ZNF333: variants seen among roughly 807,000 people sequenced by gnomAD.
ZNF333 encodes zinc finger protein 333.
A neutral mutation model predicts 76.1 loss-of-function variants in ZNF333; 61 were observed. That is an observed-to-expected ratio of 0.80 (90% CI 0.65 to 0.99). ZNF333 has a LOEUF of 0.99. Among genes scored for constraint, ZNF333 ranks in the 50% least tolerant of loss-of-function variants. The pLI, the probability that ZNF333 is intolerant of heterozygous loss-of-function variation, is 0.00. For synonymous variants in ZNF333, 284 were observed against 305.0 expected, an observed-to-expected ratio of 0.93 and a Z score of 0.72; for missense variants, 717 against 822.4, an observed-to-expected ratio of 0.87 and a Z score of 1.57.
rs746579576 is a variant in ZNF333, at chr19:14,717,138, G to A, written c.823+49G>A. 7 of 1,516,688 alleles carry A rather than the reference G, an allele frequency of 4.6e-6. No homozygotes were observed. The African/African-American group carries it at 9.6e-5, about 21-fold the overall frequency. 94.0% of individuals were successfully genotyped at this position (1,516,688 alleles called of 1,614,324 possible). A position where few individuals can be genotyped will look rare whatever the true frequency, so the allele number is the denominator to read the frequency against. ...GCATCAGCTCTGGTCAGTAAGGGGA[G>A]TGTCCAGTTTGGAAACTGTCTTATC... On this transcript the variant is annotated intron_variant, in intron 10 of 11. Coordinates refer to ENST00000292530, the MANE Select transcript of ZNF333 (RefSeq NM_032433.4).
intron 7 of ZNF333, chr19:14,708,497 A>G (rs2042183625): frequency 6.3e-6 from 2 of 319,924 alleles, no homozygotes; most frequent in East Asian, 8.3e-5. Context: ...ATCTCAGGGG[A>G]CGGGAGAGTT....
chr19:14,695,332 C>T (rs1177619700), intron 3 of ZNF333, among the ~76,000 whole-genome samples, 199 bp downstream of exon 3: 1 of 152,178 alleles, frequency 6.6e-6, no homozygotes, highest in Non-Finnish European at 1.5e-5. Context: ...TGGCCCCAGG[C>T]TTCTGAGGTG....
chr19:14,700,736 C>T (rs1373262279), intron 5 of ZNF333, among the ~76,000 whole-genome samples: 1 of 152,176 alleles, frequency 6.6e-6, no homozygotes, highest in Non-Finnish European at 1.5e-5. Flanking sequence ...AGGCACAGAG[C>T]TCAGCCTCAC....
At position 14,719,853 on chromosome 19, in the gene ZNF333, G is replaced by A. The variant is rs2042550954; in HGVS notation, c.*528G>A. The A allele has an allele frequency of 1.0e-6, 1 of 986,400 alleles. No homozygotes were observed. Among genetic ancestry groups the A allele is most frequent in the South Asian group, 4.7e-5 (1 of 21,324 alleles). The allele number at this position is 986,400 out of a possible 1,614,324, so 61.1% of individuals were successfully genotyped here. ...CCCTTCCTCCTTAGAAAAGAACCTGGGTTTTCTGTTCAGATTGGCAGTGTG... is the reference window on the plus strand; with the variant it reads ...CCCTTCCTCCTTAGAAAAGAACCTGAGTTTTCTGTTCAGATTGGCAGTGTG... On this transcript the variant is annotated 3_prime_UTR_variant, in exon 12 of 12. Transcript: ENST00000292530.
At chr19:14,710,708 G>A (rs1273488684) in intron 7 of ZNF333, among the ~76,000 whole-genome samples, 1 of 152,200 alleles carries the variant, frequency 6.6e-6, no homozygotes, top group African/African-American at 2.4e-5. Flanking sequence ...AACCCGGAAG[G>A]CGGAGGTTGC....
chr19:14,707,626 A>G (rs1357061939), intron 7 of ZNF333, among the ~76,000 whole-genome samples: 1 of 134,628 alleles, frequency 7.4e-6, no homozygotes, highest in Non-Finnish European at 1.5e-5. Context: ...ATCCCGGCTC[A>G]CTGCAAGCTC....
At chr19:14,710,127 A>T (rs991495175) in intron 7 of ZNF333, among the ~76,000 whole-genome samples, 17 of 152,188 alleles carry the variant, frequency 1.1e-4, no homozygotes, top group Non-Finnish European at 2.4e-4. Context: ...ACTGAAGAAG[A>T]AGCAGCTTCC....
chr19:14,696,446 T>A (rs1025140399), intron 4 of ZNF333, among the ~76,000 whole-genome samples: 3 of 152,152 alleles, frequency 2.0e-5, no homozygotes, highest in African/African-American at 7.2e-5. Context: ...ATAAGTAGCC[T>A]TTGGTATCCG....
rs1271863246 is a variant in ZNF333, at chr19:14,721,625, T to C, written c.*2300T>C. 2 of 152,240 alleles carry C rather than the reference T, an allele frequency of 1.3e-5. No individual in the cohort carries two copies. The highest frequency in any genetic ancestry group is 6.5e-5 in the Admixed American group (1 of 15,286). 9.4% of individuals were successfully genotyped at this position (152,240 alleles called of 1,614,324 possible). On this transcript the variant is annotated 3_prime_UTR_variant, in exon 12 of 12. Transcript: ENST00000292530. ...TTTATGCTTTTTAATTGCTGTGTAA[T>C]AGTCCATAGTCTGAATATACCACAA...
At chr19:14,728,542 A>C (rs1315066532) in intron 11 of ZNF333, among the ~76,000 whole-genome samples, 2 of 152,188 alleles carry the variant, frequency 1.3e-5, no homozygotes, top group African/African-American at 2.4e-5. Context: ...CATCACTTAT[A>C]AATGTATTCA....
chr19:14,729,217 G>A (rs1174718412), intron 11 of ZNF333, among the ~76,000 whole-genome samples: 3 of 152,098 alleles, frequency 2.0e-5, no homozygotes, highest in African/African-American at 2.4e-5. Context: ...CTACAGTCAG[G>A]GTTTCTCAAC....
At chr19:14,697,818 A>G (rs902491124) in intron 4 of ZNF333, among the ~76,000 whole-genome samples, 5 of 152,206 alleles carry the variant, frequency 3.3e-5, no homozygotes, top group Non-Finnish European at 5.9e-5. Context: ...CCACCAGCGG[A>G]GATGAGAGTT....
chr19:14,712,620 G>T (rs556511271), intron 7 of ZNF333, among the ~76,000 whole-genome samples: 15 of 152,198 alleles, frequency 9.9e-5, no homozygotes, highest in African/African-American at 3.4e-4. Context: ...TGGCTCGGGG[G>T]GGAGGATCCT....
At chr19:14,730,339 A>C (rs906283810) in intron 11 of ZNF333, among the ~76,000 whole-genome samples, 3 of 150,032 alleles carry the variant, frequency 2.0e-5, no homozygotes, top group Non-Finnish European at 4.5e-5. Flanking sequence ...ACAGGTGTGA[A>C]CCACCGTGCC....
intron 4 of ZNF333, among the ~76,000 whole-genome samples, chr19:14,698,798 C>T (rs967332081): frequency 4.0e-5 from 6 of 151,236 alleles, no homozygotes; most frequent in African/African-American, 1.2e-4. Context: ...CAAGATTGCG[C>T]CACTGCACTC....
intron 11 of ZNF333, among the ~76,000 whole-genome samples, chr19:14,730,508 C>T (rs2042661890): frequency 1.1e-5 from 1 of 94,268 alleles, no homozygotes; most frequent in South Asian, 3.3e-4. Context: ...CTTTCTCTAT[C>T]TCCTTTCTTT....
chr19:14,718,532 C>G lies in ZNF333; in HGVS notation c.1205C>G (p.Ala402Gly). ...KCFDCQECGQ[A>G]FKYSSNLRRH... ...TTTGACTGTCAAGAATGTGGGCAAGCCTTCAAATATTCCTCGAATCTCCGG... is the reference window on the plus strand; with the variant it reads ...TTTGACTGTCAAGAATGTGGGCAAGGCTTCAAATATTCCTCGAATCTCCGG... Residue 402 changes from alanine to glycine, a missense_variant, in exon 12 of 12, where the codon GCC (alanine) becomes GGC (glycine). Coordinates refer to ENST00000292530, the MANE Select transcript of ZNF333 (RefSeq NM_032433.4). 1 of 1,614,176 alleles carries G rather than the reference C, an allele frequency of 6.2e-7. No homozygotes were observed. The highest frequency in any genetic ancestry group is 1.1e-5 in the South Asian group (1 of 91,086).
intron 3 of ZNF333, 21 bp downstream of exon 3, chr19:14,695,154 C>T (rs1180623041): frequency 6.2e-7 from 1 of 1,610,492 alleles, no homozygotes; most frequent in Non-Finnish European, 8.5e-7. Context: ...CGTCACCTGG[C>T]TCCTTCCTGT....
At chr19:14,714,368 C>T (rs937552632) in intron 7 of ZNF333, among the ~76,000 whole-genome samples, 7 of 151,972 alleles carry the variant, frequency 4.6e-5, no homozygotes, top group East Asian at 1.9e-4. Flanking sequence ...GGGAGGGGAC[C>T]GTGCGACGGT....
Sources: gnomAD v4.1 joint callset for allele counts (sites outside exome capture counted in the v4.1 genomes callset) on GRCh38, gnomAD v4.1.1 for gene constraint, MANE v1.5 for transcripts, NCBI Gene and HGNC (gene_info 2026-07-23, HGNC 2026-07-21) for gene names.